Variants in GPR179 observed in about 807,000 individuals in gnomAD.
GPR179 encodes probable G protein-coupled receptor 179.
GPR179 carries 52 observed loss-of-function variants against 70.8 expected under a neutral mutation model. That is an observed-to-expected ratio of 0.73 (90% CI 0.59 to 0.93). GPR179 has a LOEUF of 0.93. Among genes scored for constraint, GPR179 ranks in the 40% least tolerant of loss-of-function variants. The probability of loss-of-function intolerance (pLI) is 0.00; values close to 1 mark genes in which losing one functional copy is unlikely to be tolerated. For synonymous variants in GPR179, 1,123 were observed against 1,169.0 expected (o/e 0.96, Z 0.80); for missense variants, 2,734 against 2,966.8 (o/e 0.92, Z 1.82).
rs185524382 is a variant in GPR179, at chr17:38,343,039, C to T, written c.751G>A (p.Ala251Thr). 3.4e-5 allele frequency: 55 copies of T among 1,613,194 alleles called. No homozygotes were observed. The highest frequency in any genetic ancestry group is 4.7e-5 in the Non-Finnish European group (55 of 1,179,452). The change falls in exon 1 of 11, where the codon GCC (alanine) becomes ACC (threonine). Residue 251 changes from alanine to threonine, a missense_variant. By Grantham distance (58) the Ala-to-Thr change is moderately conservative (BLOSUM62 0). Transcript: ENST00000616987. This position sits in a 1 kb window ranked among gnomAD's most constrained non-coding sequence, Gnocchi z 4.2. ...LRPGWLITLS[A>T]TFYGLKPDLS... ...TCTGGCTTGAGTCCATAGAAGGTGG[C>T]AGAGAGTGTGATCAGCCATCCAGGT...
In GPR179 at chr17:38,331,427, T is replaced by A. The variant is rs2037359557; in HGVS notation, c.2142A>T (p.Gly714=). The A allele has an allele frequency of 6.2e-7, 1 of 1,614,156 alleles. No individual in the cohort carries two copies. The highest frequency in any genetic ancestry group is 8.5e-7 in the Non-Finnish European group (1 of 1,180,010). Residue 714 remains glycine, a synonymous_variant, in exon 11 of 11, where the codon GGA becomes GGT. Transcript: ENST00000616987. ...GGTACCTCATGAAGGAGCGGCCCAG[T>A]CCCTGGCATGAGCTGCCTCGCTTCT... ...LPKKRGSSCQ[G]LGRSFMRYLA...
chr17:38,338,736 A>G (rs1003364608), intron 2 of GPR179, among the ~76,000 whole-genome samples: 2 of 152,244 alleles, frequency 1.3e-5, no homozygotes, highest in Admixed American at 1.3e-4. Flanking sequence ...GGCTCAGCTC[A>G]GGAACAAGCA....
At position 38,330,909 on chromosome 17, in the gene GPR179, G is replaced by A. The variant is rs980793138; in HGVS notation, c.2660C>T (p.Ser887Leu). 1 of 1,606,152 alleles carries A rather than the reference G, an allele frequency of 6.2e-7. No homozygotes were observed. Residue 887 changes from serine (S) to leucine (L), a missense_variant, in exon 11 of 11, where the codon TCA becomes TTA. Coordinates refer to ENST00000616987, the MANE Select transcript of GPR179 (RefSeq NM_001004334.4). ...AAMASLVRRPSARRLERPRGA... is the reference protein window; with the variant it reads ...AAMASLVRRPLARRLERPRGA... ...TCGAGGCCGCTCCAGCCTCCTGGCT[G>A]ATGGCCTCCGCACCAGGCTGGCCAT...
rs746745923 is a variant in GPR179, at chr17:38,327,708, A to G, written c.5861T>C (p.Leu1954Pro). The G allele has an allele frequency of 4.3e-5, 70 of 1,614,046 alleles. No individual in the cohort carries two copies. Among genetic ancestry groups the G allele is most frequent in the Non-Finnish European group, 5.7e-5 (67 of 1,180,036 alleles). ...TEDGEKTSHE[L>P]QSVCPWETTA... ...GGTCTCCCATGGACAGACGGATTGT[A>G]GCTCATGGCTTGTTTTTTCCCCATC... Residue 1954 changes from leucine (L) to proline (P), a missense_variant, in exon 11 of 11, where the codon CTA becomes CCA. Transcript: ENST00000616987.
At chr17:38,333,005 G>A (rs1460805578) in intron 10 of GPR179, among the ~76,000 whole-genome samples, 1 of 152,232 alleles carries the variant, frequency 6.6e-6, no homozygotes, top group Non-Finnish European at 1.5e-5. Flanking sequence ...CCTGCCTCTA[G>A]CTTGCCACAT....
rs1233337566 is a variant in GPR179 at position 38,335,147 on chromosome 17, C to A, written c.1531G>T (p.Gly511Cys). ...TGCTGGATGCCTCGCTCCAGGGCGC[C>A]CACGGTCCACACAGCCAGGAAGCCC... ...VLGFLAVWTV[G>C]ALERGIQHAP... Residue 511 changes from glycine to cysteine, a missense_variant, in exon 7 of 11, where the codon GGC (glycine) becomes TGC (cysteine). Gly to Cys is a radical substitution (Grantham distance 159). Coordinates refer to ENST00000616987, the MANE Select transcript of GPR179 (RefSeq NM_001004334.4). 4 of 1,591,526 alleles carry A rather than the reference C, an allele frequency of 2.5e-6. No individual in the cohort carries two copies. The South Asian group carries it at 3.4e-5, about 14-fold the overall frequency.
chr17:38,341,732 C>CAGGA (rs2144279796), intron 1 of GPR179, among the ~76,000 whole-genome samples: 1 of 152,272 alleles, frequency 6.6e-6, no homozygotes, highest in Non-Finnish European at 1.5e-5. Context: ...TCAGGACAGG[C>CAGGA]AGGATAGTGC....
rs986686751 is a variant in GPR179 at position 38,325,458 on chromosome 17, G to A, written c.*1007C>T. ...GTTACTGAGCAAGTGATTCTTGGGC[G>A]GGGAGGGGTGGGGGAGGGTGGATGG... On this transcript the variant is annotated 3_prime_UTR_variant, in exon 11 of 11. Coordinates refer to ENST00000616987, the MANE Select transcript of GPR179 (RefSeq NM_001004334.4). 3 of 148,078 alleles carry A rather than the reference G, an allele frequency of 2.0e-5. No homozygotes were observed. The highest frequency in any genetic ancestry group is 6.6e-5 in the Admixed American group (1 of 15,064). 9.2% of individuals were successfully genotyped at this position (148,078 alleles called of 1,614,324 possible). A position where few individuals can be genotyped will look rare whatever the true frequency, so the allele number is the denominator to read the frequency against.
In GPR179 at chr17:38,326,398, C is replaced by G; in HGVS notation, c.*67G>C. On this transcript the variant is annotated 3_prime_UTR_variant, in exon 11 of 11. Coordinates refer to ENST00000616987, the MANE Select transcript of GPR179 (RefSeq NM_001004334.4). Reference sequence around the variant, plus strand: ...TCTTTGATTCAGCTCTTTGGGAACACCTGGACTTGGAAAGGGCCTTGGCTC... The same window carrying G: ...TCTTTGATTCAGCTCTTTGGGAACAGCTGGACTTGGAAAGGGCCTTGGCTC... The G allele has an allele frequency of 8.0e-7, 1 of 1,247,396 alleles. No homozygotes were observed. Among genetic ancestry groups the G allele is most frequent in the Admixed American group, 2.2e-5 (1 of 46,420 alleles). 77.3% of individuals were successfully genotyped at this position (1,247,396 alleles called of 1,614,324 possible).
At chr17:38,333,830 G>A (rs1387109402) in intron 9 of GPR179, 103 bp downstream of exon 9, 20 of 828,058 alleles carry the variant, frequency 2.4e-5, no homozygotes, top group South Asian at 1.2e-4. Context: ...ACCTTCTGTC[G>A]TCCTCACCCT....
chr17:38,339,257 G>A, intron 2 of GPR179, 160 bp downstream of exon 2: 2 of 571,820 alleles, frequency 3.5e-6, no homozygotes, highest in African/African-American at 3.8e-5. Flanking sequence ...CTTTTTAAAA[G>A]CCTGGTATCT....
intron 1 of GPR179, among the ~76,000 whole-genome samples, chr17:38,342,368 T>C (rs1402964551): frequency 6.6e-6 from 1 of 151,720 alleles, no homozygotes; most frequent in Non-Finnish European, 1.5e-5. Context: ...AGTTTTGCTC[T>C]TGTTGCCCAG....
chr17:38,338,168 A>G (rs908355317), intron 2 of GPR179, among the ~76,000 whole-genome samples: 2 of 152,214 alleles, frequency 1.3e-5, no homozygotes, highest in Non-Finnish European at 2.9e-5. Flanking sequence ...CCCCCCACGG[A>G]GGAGCAGCTT....
At position 38,327,010 on chromosome 17, in the gene GPR179, C is replaced by T; in HGVS notation, c.6559G>A (p.Gly2187Ser). ...REQEAVCPGE[G>S]TGSGGLLPQS... ...GGCAAGAGCCCTCCTGAGCCTGTGC[C>T]TTCCCCAGGGCAGACTGCCTCCTGC... The change falls in exon 11 of 11, where the codon GGC becomes AGC. Residue 2187 changes from glycine to serine, a missense_variant. Physicochemically the swap from Gly to Ser is moderately conservative, Grantham distance 56. Transcript: ENST00000616987. 1 of 1,614,196 alleles carries T rather than the reference C, an allele frequency of 6.2e-7. No homozygotes were observed. Among genetic ancestry groups the T allele is most frequent in the South Asian group, 1.1e-5 (1 of 91,090 alleles).
chr17:38,339,393 G>GC (rs767794696), intron 2 of GPR179, 24 bp downstream of exon 2: 49 of 1,461,180 alleles, frequency 3.4e-5, no homozygotes, highest in Admixed American at 1.2e-4. Flanking sequence ...CTCTAGTAGC[G>GC]CCCCCCATCC....
chr17:38,336,944 G>T, intron 4 of GPR179, 34 bp downstream of exon 4: 1 of 1,548,370 alleles, frequency 6.5e-7, no homozygotes. Context: ...AGATGGGTCG[G>T]ACATGTGTGT....
Position 38,329,714 on chromosome 17 carries a change from G to A in GPR179, c.3855C>T (p.Asp1285=). 6.2e-7 allele frequency: 1 copy of A among 1,614,084 alleles called. No individual in the cohort carries two copies. The highest frequency in any genetic ancestry group is 1.1e-5 in the South Asian group (1 of 91,082). Residue 1285 remains aspartate, a synonymous_variant, in exon 11 of 11, where the codon GAC becomes GAT. Transcript: ENST00000616987. ...GGGCCTCCCCTCTCTTTTTTTGGGA[G>A]TCACCTGGGTCTTGTCTTAGTGCCC... is the stretch of plus-strand genomic sequence containing the variant. The part of the protein sequence containing the change: ...ESRALRQDPG[D]SQKKRGEARG...
At chr17:38,336,225 C>T (rs2037403449) in intron 4 of GPR179, 81 bp from the exon 5 acceptor site, 1 of 943,148 alleles carries the variant, frequency 1.1e-6, no homozygotes. Flanking sequence ...AACGGTCACT[C>T]AGTGACCCTG....
chr17:38,336,832 G>T, intron 4 of GPR179, 146 bp downstream of exon 4: 1 of 830,320 alleles, frequency 1.2e-6, no homozygotes, highest in Non-Finnish European at 1.9e-6. Flanking sequence ...CCAAGGCGGA[G>T]AAATCACTTG....
Sources: allele counts gnomAD v4.1 joint callset (sites outside exome capture counted in the v4.1 genomes callset), GRCh38; gene constraint gnomAD v4.1.1; non-coding constraint Gnocchi (gnomAD v3.1); transcripts MANE v1.5; gene names NCBI Gene and HGNC (gene_info 2026-07-23, HGNC 2026-07-21).